Variants in SLC15A2 observed in about 807,000 individuals in gnomAD.
SLC15A2 encodes solute carrier family 15 member 2.
SLC15A2 carries 77 observed loss-of-function variants against 95.5 expected under a neutral mutation model. The ratio of observed to expected loss-of-function variants is 0.81; its 90% CI spans 0.67 to 0.97. The LOEUF (loss-of-function observed/expected upper bound fraction) is 0.97. Among genes scored for constraint, SLC15A2 ranks in the 50% least tolerant of loss-of-function variants. The pLI is 0.00. For missense variants in SLC15A2, 893 were observed against 874.4 expected, an observed-to-expected ratio of 1.02 and a Z score of -0.27; for synonymous variants, 306 against 306.9, an observed-to-expected ratio of 1.00 and a Z score of 0.03.
At chr3:121,939,132 CT>C in intron 19 of SLC15A2, 1 of 378,520 alleles carries the variant, frequency 2.6e-6, no homozygotes, top group Admixed American at 4.5e-5. Context: ...TTTAAAGTCT[CT>C]GTCAATAATG....
chr3:121,929,199 T>C (rs1042849166), intron 16 of SLC15A2, 53 bp downstream of exon 16: 43 of 1,602,186 alleles, frequency 2.7e-5, no homozygotes, highest in Non-Finnish European at 3.5e-5. Flanking sequence ...GTAATATGAC[T>C]GTCTCATCAA....
chr3:121,905,495 A>T (rs1709618720), intron 3 of SLC15A2, among the ~76,000 whole-genome samples: 1 of 152,174 alleles, frequency 6.6e-6, no homozygotes, highest in Non-Finnish European at 1.5e-5. Flanking sequence ...TAGTGCTATA[A>T]GTTTCCCTCT....
At chr3:121,927,953 G>C in intron 14 of SLC15A2, 114 bp downstream of exon 14, 1 of 739,566 alleles carries the variant, frequency 1.4e-6, no homozygotes, top group Non-Finnish European at 2.3e-6. Flanking sequence ...TGTTTTATAA[G>C]AGGTGCATCA....
At chr3:121,927,928 A>T (rs1710153825) in intron 14 of SLC15A2, 89 bp downstream of exon 14, 1 of 943,456 alleles carries the variant, frequency 1.1e-6, no homozygotes, top group Admixed American at 1.9e-5. Flanking sequence ...ATTCCCTGGG[A>T]CCTAGCACAG....
chr3:121,912,741 T>G (rs1046200776), intron 4 of SLC15A2, among the ~76,000 whole-genome samples: 1 of 152,174 alleles, frequency 6.6e-6, no homozygotes, highest in African/African-American at 2.4e-5. Context: ...TCCTTCAGTA[T>G]CTGTTTCTAT....
At chr3:121,929,237 C>T in intron 16 of SLC15A2, 65 bp from the exon 17 acceptor site, 1 of 1,603,294 alleles carries the variant, frequency 6.2e-7, no homozygotes, top group Non-Finnish European at 8.5e-7. Flanking sequence ...GCCTGATGAT[C>T]AAATTTTCTG....
At chr3:121,936,863 T>C (rs1160031487) in intron 19 of SLC15A2, among the ~76,000 whole-genome samples, 1 of 146,202 alleles carries the variant, frequency 6.8e-6, no homozygotes, top group Non-Finnish European at 1.5e-5. Flanking sequence ...CTAGTCTCGA[T>C]GGTCTTTACA....
chr3:121,925,142 T>G, intron 13 of SLC15A2, 109 bp downstream of exon 13: 2 of 766,640 alleles, frequency 2.6e-6, no homozygotes, highest in Non-Finnish European at 4.6e-6. Flanking sequence ...GGTTTTAGTT[T>G]ATCATCTATC....
intron 17 of SLC15A2, among the ~76,000 whole-genome samples, 161 bp from the exon 18 acceptor site, chr3:121,930,679 G>A (rs35902163): frequency 0.21 from 31,472 of 152,094 alleles, 4,291 homozygotes; most frequent in Admixed American, 0.36. Flanking sequence ...GGGTTCATTC[G>A]TCTAGTTAAC....
intron 19 of SLC15A2, 112 bp downstream of exon 19, chr3:121,931,847 GTATAT>G (rs1710239389): frequency 1.6e-6 from 1 of 630,522 alleles, no homozygotes; most frequent in African/African-American, 1.8e-5. Context: ...AAGCAGACAC[GTATAT>G]TTATTTCTAG....
intron 12 of SLC15A2, among the ~76,000 whole-genome samples, chr3:121,924,589 G>A (rs2257124): frequency 0.45 from 67,627 of 151,826 alleles, 15,582 homozygotes; most frequent in East Asian, 0.69. Context: ...CGGGTTAAGT[G>A]TAAGCATTGG....
chr3:121,895,239 G>A (rs1709395304), intron 1 of SLC15A2: 1 of 152,152 alleles, frequency 6.6e-6, no homozygotes, highest in South Asian at 2.1e-4. Context: ...TAACAGAACA[G>A]AGGTTTTGAG....
At chr3:121,910,540 TC>T (rs1709744886) in intron 3 of SLC15A2, among the ~76,000 whole-genome samples, 1 of 152,080 alleles carries the variant, frequency 6.6e-6, no homozygotes, top group East Asian at 1.9e-4. Flanking sequence ...TAAGTTCCCT[TC>T]CCTAGAAAGC....
chr3:121,920,007 A>G (rs1576681362), intron 7 of SLC15A2, among the ~76,000 whole-genome samples: 1 of 152,212 alleles, frequency 6.6e-6, no homozygotes, highest in African/African-American at 2.4e-5. Flanking sequence ...AGGAGTTTCC[A>G]TTTGAAGGTT....
At chr3:121,930,464 T>A (rs1710209696) in intron 17 of SLC15A2, among the ~76,000 whole-genome samples, 1 of 152,220 alleles carries the variant, frequency 6.6e-6, no homozygotes, top group African/African-American at 2.4e-5. Context: ...CTTATTTTTC[T>A]TAGTAAAGTC....
chr3:121,908,901 A>G (rs1253645033), intron 3 of SLC15A2, among the ~76,000 whole-genome samples: 1 of 152,072 alleles, frequency 6.6e-6, no homozygotes, highest in Non-Finnish European at 1.5e-5. Context: ...GGCCAGATGT[A>G]GCGGCTCATG....
At chr3:121,913,190 C>T (rs1709809303) in intron 5 of SLC15A2, 70 bp downstream of exon 5, 2 of 1,205,834 alleles carry the variant, frequency 1.7e-6, no homozygotes. Context: ...TGGCAGGTAG[C>T]CATTTGCCAA....
intron 3 of SLC15A2, among the ~76,000 whole-genome samples, chr3:121,907,391 T>C (rs1175072138): frequency 6.6e-6 from 1 of 152,234 alleles, no homozygotes; most frequent in African/African-American, 2.4e-5. Context: ...CTTTGTTCCA[T>C]TGCTGGCAAG....
rs939338330 is a variant in SLC15A2 at position 121,922,918 on chromosome 3, A to G, written c.867+57A>G. ...TTGATAGAGTCTTTCCTAATGTTCA[A>G]AATGATTCTATCCTACTGCATTCAA... is the stretch of plus-strand genomic sequence containing the variant. On this transcript the variant is annotated intron_variant, in intron 9 of 21. Transcript: ENST00000489711. 35 of 1,560,372 alleles carry G rather than the reference A, an allele frequency of 2.2e-5. No homozygotes were observed. In the African/African-American group the frequency reaches 4.3e-4, roughly 19 times the overall value.
Sources: gnomAD v4.1 joint callset for allele counts (sites outside exome capture counted in the v4.1 genomes callset) on GRCh38, gnomAD v4.1.1 for gene constraint, MANE v1.5 for transcripts, NCBI Gene and HGNC (gene_info 2026-07-23, HGNC 2026-07-21) for gene names.